The following NUMA1 variants were observed in gnomAD, a reference collection of about 807,000 sequenced individuals.
NUMA1 encodes nuclear mitotic apparatus protein 1.
A neutral mutation model predicts 237.1 loss-of-function variants in NUMA1; 62 were observed. That is an observed-to-expected ratio of 0.26 (90% confidence interval 0.21 to 0.32). NUMA1 has a LOEUF of 0.32. NUMA1 is among the 10% of genes least tolerant of loss of function. The probability of loss-of-function intolerance (pLI) is 1.00; values close to 1 mark genes in which losing one functional copy is unlikely to be tolerated. For missense variants in NUMA1, 2,533 were observed against 2,666.5 expected (o/e 0.95, Z 1.10); for synonymous variants, 1,028 against 1,066.1 (o/e 0.96, Z 0.70).
At position 72,021,247 on chromosome 11, in the gene NUMA1, G is replaced by A. The variant is rs141785503; in HGVS notation, c.417C>T (p.Asp139=). 1.9e-4 allele frequency: 311 copies of A among 1,614,180 alleles called. No homozygotes were observed. In the African/African-American group the frequency reaches 3.3e-3, roughly 17 times the overall value. ...CTAGGTCCTCATTAAGGTTTAGCCCGTCCTCATGGTCCAGCACAAATTTAA... is the reference window on the plus strand; with the variant it reads ...CTAGGTCCTCATTAAGGTTTAGCCCATCCTCATGGTCCAGCACAAATTTAA... ...VILKFVLDHE[D]GLNLNEDLEN... is the part of the protein sequence containing the mutation. The change falls in exon 8 of 27, where the codon GAC becomes GAT. Residue 139 remains aspartate, a synonymous_variant. Transcript: ENST00000393695.
chr11:72,068,578 G>C (rs1336554101), intron 2 of NUMA1: 1 of 152,100 alleles, frequency 6.6e-6, no homozygotes, highest in African/African-American at 2.4e-5. Flanking sequence ...CTGAGATCCC[G>C]CCATTGCACT....
At chr11:72,046,969 GA>G (rs1207750722) in intron 2 of NUMA1, among the ~76,000 whole-genome samples, 3 of 149,772 alleles carry the variant, frequency 2.0e-5, no homozygotes, top group African/African-American at 7.4e-5. Flanking sequence ...CAAAAAAAGA[GA>G]AAAAAAAAGA....
chr11:72,042,904 G>T (rs529960511), intron 2 of NUMA1, among the ~76,000 whole-genome samples: 1 of 151,210 alleles, frequency 6.6e-6, no homozygotes, highest in Non-Finnish European at 1.5e-5. Context: ...ACTGAAGTCC[G>T]AGAGTTGGAG....
intron 4 of NUMA1, 80 bp downstream of exon 4, chr11:72,029,125 A>C: frequency 1.0e-6 from 1 of 998,768 alleles, no homozygotes; most frequent in Non-Finnish European, 1.5e-6. Context: ...GCCATCATCA[A>C]GTAAAGAGAA....
chr11:72,067,657 T>A (rs933775302), intron 2 of NUMA1: 2 of 152,220 alleles, frequency 1.3e-5, no homozygotes, highest in Non-Finnish European at 2.9e-5. Flanking sequence ...AGTCCAGTAG[T>A]CAAACAGCTT....
chr11:72,016,975 ATTTTT>A (rs67134844), intron 13 of NUMA1: 3,295 of 153,304 alleles, frequency 0.021, 115 homozygotes, highest in African/African-American at 0.078. Context: ...TTCATCCCTA[ATTTTT>A]TTTTTTTTTT....
At chr11:72,003,830 T>C in intron 26 of NUMA1, 57 bp downstream of exon 26, 1 of 1,571,674 alleles carries the variant, frequency 6.4e-7, no homozygotes, top group Non-Finnish European at 8.7e-7. Flanking sequence ...TGGGGCGGTC[T>C]GGGGGGTGCC....
intron 1 of NUMA1, among the ~76,000 whole-genome samples, chr11:72,078,619 A>C (rs1217439981): frequency 6.6e-6 from 1 of 152,272 alleles, no homozygotes; most frequent in East Asian, 1.9e-4. Context: ...AAGATCTTTA[A>C]GCTTTTGGAA....
intron 14 of NUMA1, 47 bp downstream of exon 14, chr11:72,016,361 G>A (rs200410012): frequency 2.8e-5 from 45 of 1,606,056 alleles, no homozygotes; most frequent in Non-Finnish European, 3.6e-5. Context: ...TACTGAATGT[G>A]AGTCCACACC....
At chr11:72,053,509 C>T (rs1289678915) in intron 2 of NUMA1, among the ~76,000 whole-genome samples, 1 of 152,108 alleles carries the variant, frequency 6.6e-6, no homozygotes, top group Admixed American at 6.5e-5. Context: ...ATATAGAACC[C>T]CAGGACACAC....
At chr11:72,033,987 C>G (rs1175328797) in intron 3 of NUMA1, among the ~76,000 whole-genome samples, 1 of 152,120 alleles carries the variant, frequency 6.6e-6, no homozygotes, top group Non-Finnish European at 1.5e-5. Flanking sequence ...ATGGCATGTA[C>G]CCCTGTGGTC....
chr11:72,003,655 C>T lies in NUMA1; in HGVS notation c.6337-117G>A, dbSNP rs964866553. ...CTGTCTGGATCCCCTCCCTTGTGAG[C>T]CCCAGGGTTATCAGTTGCTGGCTGT... On this transcript the variant is annotated intron_variant, in intron 26 of 26. Coordinates refer to ENST00000393695, the MANE Select transcript of NUMA1 (RefSeq NM_006185.4). 2.9e-6 allele frequency: 4 copies of T among 1,367,104 alleles called. No homozygotes were observed. The African/African-American group carries it at 4.3e-5, about 15-fold the overall frequency. 84.7% of individuals were successfully genotyped at this position (1,367,104 alleles called of 1,614,324 possible).
chr11:72,009,219 G>T, intron 18 of NUMA1, 34 bp from the exon 19 acceptor site: 2 of 1,568,392 alleles, frequency 1.3e-6, no homozygotes, highest in Non-Finnish European at 8.6e-7. Flanking sequence ...GTGGGGTAGA[G>T]GTTGAAGGGC....
intron 2 of NUMA1, among the ~76,000 whole-genome samples, chr11:72,038,219 G>A (rs1242832729): frequency 2.0e-5 from 3 of 152,114 alleles, no homozygotes; most frequent in Admixed American, 6.6e-5. Context: ...TCACAGCTGT[G>A]CTACTAAAAA....
At chr11:72,040,053 G>A (rs1184935232) in intron 2 of NUMA1, among the ~76,000 whole-genome samples, 1 of 152,320 alleles carries the variant, frequency 6.6e-6, no homozygotes, top group East Asian at 1.9e-4. Context: ...GGCTCCAAGA[G>A]ACGCCATACA....
chr11:72,018,305 G>A lies in NUMA1; in HGVS notation c.861-5C>T, dbSNP rs766483142. On this transcript the variant is annotated splice_region_variant and splice_polypyrimidine_tract_variant and intron_variant, in intron 11 of 26. Transcript: ENST00000393695. ...TCATGCAGCCGCATGGTAAGGCTGC[G>A]AGGGAGGGAAGCAGTGAGAAGAGAG... 3.0e-5 allele frequency: 48 copies of A among 1,612,290 alleles called. 1 individual carries two copies. In the South Asian group the frequency reaches 3.6e-4, roughly 12 times the overall value.
intron 2 of NUMA1, among the ~76,000 whole-genome samples, chr11:72,044,987 G>T (rs1299330398): frequency 6.6e-6 from 1 of 151,946 alleles, no homozygotes; most frequent in Non-Finnish European, 1.5e-5. Flanking sequence ...TAATAATCTT[G>T]TATTACACTG....
At chr11:72,018,612 G>A (rs1198032234) in intron 10 of NUMA1, 99 bp from the exon 11 acceptor site, 38 of 1,109,924 alleles carry the variant, frequency 3.4e-5, no homozygotes, top group Admixed American at 1.6e-4. Context: ...GGGAGGAGAC[G>A]GCATAGGGAA....
At chr11:72,036,417 T>C (rs1565257136) in intron 2 of NUMA1, among the ~76,000 whole-genome samples, 27 of 152,250 alleles carry the variant, frequency 1.8e-4, no homozygotes. Flanking sequence ...GGGATCCACA[T>C]ACACCTCTCT....
Sources: allele counts gnomAD v4.1 joint callset (sites outside exome capture counted in the v4.1 genomes callset), GRCh38; gene constraint gnomAD v4.1.1; transcripts MANE v1.5; gene names NCBI Gene and HGNC (gene_info 2026-07-23, HGNC 2026-07-21).